Variants in HMCN2 observed in about 807,000 individuals in gnomAD.
The protein encoded by HMCN2 is hemicentin 2, also known as hemicentin-2.
A neutral mutation model predicts 377.5 loss-of-function variants in HMCN2; 325 were observed. The observed-to-expected ratio is 0.86, with a 90% CI of 0.79 to 0.94. The LOEUF (loss-of-function observed/expected upper bound fraction) is 0.94, where lower values mean the gene tolerates loss of function less well. HMCN2 is among the 40% of genes least tolerant of loss of function. The pLI is 0.00. For synonymous variants in HMCN2, 2,007 were observed against 2,046.8 expected (o/e 0.98, Z 0.53); for missense variants, 4,543 against 4,725.3 (o/e 0.96, Z 1.13).
intron 76 of HMCN2, among the ~76,000 whole-genome samples, chr9:130,400,074 T>G (rs1842789992): frequency 6.6e-6 from 1 of 152,156 alleles, no homozygotes. Context: ...CTCAAGGGGT[T>G]TGCACACGCT....
rs1416767420 is a variant in HMCN2 at position 130,406,147 on chromosome 9, G to A, written c.12532G>A (p.Val4178Ile). 2 of 1,289,840 alleles carry A rather than the reference G, an allele frequency of 1.6e-6. No individual in the cohort carries two copies. The highest frequency in any genetic ancestry group is 2.3e-5 in the Admixed American group (1 of 43,574). 79.9% of individuals were successfully genotyped at this position (1,289,840 alleles called of 1,614,324 possible). The stretch of plus-strand genomic sequence containing the variant: ...CCCCACCCCTCGCATTGGCTGGACT[G>A]TCAACGACCGGCCAGTCACAGGTCT... ...GSPTPRIGWTVNDRPVTEGVS... is the reference protein window; with the variant it reads ...GSPTPRIGWTINDRPVTEGVS... Residue 4178 changes from valine (V) to isoleucine (I), a missense_variant, in exon 82 of 98, where the codon GTC becomes ATC. This residue lies in a region of HMCN2 where 1,073 missense variants were observed against 1,319.5 expected (regional missense o/e 0.81). Coordinates refer to ENST00000683500, the MANE Select transcript of HMCN2 (RefSeq NM_001291815.2).
At position 130,347,979 on chromosome 9, in the gene HMCN2, C is replaced by T; in HGVS notation, c.4025-566C>T. 1.0e-6 allele frequency: 1 copy of T among 985,322 alleles called. No homozygotes were observed. Among genetic ancestry groups the T allele is most frequent in the Non-Finnish European group, 1.2e-6 (1 of 829,826 alleles). The allele number at this position is 985,322 out of a possible 1,614,324, so 61.0% of individuals were successfully genotyped here. On this transcript the variant is annotated intron_variant, in intron 26 of 97. Transcript: ENST00000683500. This position sits in a 1 kb window ranked among gnomAD's most constrained non-coding sequence, Gnocchi z 5.1. ...ATTCTTGTCCTCAGCAGGGAGAGCG[C>T]CCACCCCCACATCCAGGGTGCTATG...
intron 4 of HMCN2, among the ~76,000 whole-genome samples, chr9:130,289,013 A>G (rs1488760989): frequency 2.6e-5 from 4 of 152,206 alleles, no homozygotes; most frequent in Non-Finnish European, 5.9e-5. Flanking sequence ...GCCTCCCCCA[A>G]GTTCCCTGGC....
intron 1 of HMCN2, among the ~76,000 whole-genome samples, chr9:130,271,801 G>A (rs1320130736): frequency 6.7e-6 from 1 of 148,890 alleles, no homozygotes; most frequent in African/African-American, 2.4e-5. Context: ...TAGCTGACAG[G>A]GCAAGGAGTT....
At chr9:130,301,859 C>A (rs1836533816) in intron 8 of HMCN2, among the ~76,000 whole-genome samples, 1 of 152,218 alleles carries the variant, frequency 6.6e-6, no homozygotes, top group Admixed American at 6.5e-5. Context: ...CCCAGCGGGG[C>A]AGTTTCTCAG....
intron 62 of HMCN2, among the ~76,000 whole-genome samples, chr9:130,390,070 A>G (rs1842225575): frequency 6.6e-6 from 1 of 152,044 alleles, no homozygotes; most frequent in African/African-American, 2.4e-5. Context: ...GACCTGTGTC[A>G]TCGCCTCTCG....
At chr9:130,285,076 C>A in intron 2 of HMCN2, 82 bp from the exon 3 acceptor site, 1 of 440,404 alleles carries the variant, frequency 2.3e-6, no homozygotes, top group South Asian at 1.7e-5. Flanking sequence ...ACTCCCTATG[C>A]CCAGTGGTTT....
intron 82 of HMCN2, chr9:130,406,432 T>A (rs1843095886): frequency 8.8e-6 from 3 of 342,792 alleles, no homozygotes; most frequent in South Asian, 6.7e-5. Context: ...AGGGGAGGCC[T>A]GTGTTCTAGT....
intron 4 of HMCN2, among the ~76,000 whole-genome samples, chr9:130,292,585 G>A (rs1218861633): frequency 1.3e-5 from 2 of 152,184 alleles, no homozygotes; most frequent in African/African-American, 4.8e-5. Flanking sequence ...AGGCTTTACT[G>A]TTTTGAATTT....
Position 130,392,022 on chromosome 9 carries a change from G to T in HMCN2, c.10040G>T (p.Arg3347Leu). The change falls in exon 66 of 98, where the codon CGG becomes CTG. Residue 3347 changes from arginine to leucine, a missense_variant. Arg to Leu is a moderately radical substitution (Grantham distance 102, BLOSUM62 -2). Transcript: ENST00000683500. ...CTGGTGACCATGGTGTGCCCTGTGC[G>T]GGGCTCCCCGCCCATCCACGTGAGC... ...GELVTMVCPV[R>L]GSPPIHVSWL... 1.0e-6 allele frequency: 1 copy of T among 988,356 alleles called. No homozygotes were observed. The highest frequency in any genetic ancestry group is 1.2e-6 in the Non-Finnish European group (1 of 830,368). 61.2% of individuals were successfully genotyped at this position (988,356 alleles called of 1,614,324 possible).
At chr9:130,287,551 T>TAA (rs142931668) in intron 4 of HMCN2, among the ~76,000 whole-genome samples, 7 of 93,290 alleles carry the variant, frequency 7.5e-5, no homozygotes, top group East Asian at 3.6e-4. Context: ...AACTCTGTCT[T>TAA]AAAAAAAAAA....
chr9:130,307,575 G>C lies in HMCN2; in HGVS notation c.2200+9G>C. ...AGTCATCTGGTATCGAGGTGTGTTG[G>C]TGGGGAGGGGCCCTGAAGGAACAGC... On this transcript the variant is annotated intron_variant, in intron 14 of 97. Coordinates refer to ENST00000683500, the MANE Select transcript of HMCN2 (RefSeq NM_001291815.2). 3 of 471,148 alleles carry C rather than the reference G, an allele frequency of 6.4e-6. No individual in the cohort carries two copies. The highest frequency in any genetic ancestry group is 3.1e-5 in the South Asian group (2 of 64,572). 29.2% of individuals were successfully genotyped at this position (471,148 alleles called of 1,614,324 possible).
intron 1 of HMCN2, among the ~76,000 whole-genome samples, chr9:130,276,828 G>T (rs528559747): frequency 6.6e-6 from 1 of 152,280 alleles, no homozygotes; most frequent in African/African-American, 2.4e-5. Context: ...TGAGTCTTGG[G>T]GAGGGGAGGT....
chr9:130,340,770 G>A lies in HMCN2; in HGVS notation c.3488-341G>A, dbSNP rs995456297. Among the ~76,000 whole-genome samples the A allele has an allele frequency of 6.8e-4, 104 of 152,240 alleles. 1 individual carries two copies. Among genetic ancestry groups the A allele is most frequent in the South Asian group, 3.9e-3 (19 of 4,816 alleles). ...TGACATCAGGCAATCTGCCCACCTC[G>A]GCCTCCCACAGTTCTGAGATTACAG... On this transcript the variant is annotated intron_variant, in intron 23 of 97. Transcript: ENST00000683500.
intron 95 of HMCN2, 93 bp from the exon 96 acceptor site, chr9:130,431,274 C>T: frequency 7.8e-7 from 1 of 1,289,662 alleles, no homozygotes; most frequent in Non-Finnish European, 1.1e-6. Context: ...CTCCAGAGCC[C>T]AGCGGGCAGG....
chr9:130,312,609 T>A (rs1295735618), intron 15 of HMCN2, among the ~76,000 whole-genome samples: 1 of 124,966 alleles, frequency 8.0e-6, no homozygotes, highest in Non-Finnish European at 1.7e-5. Context: ...TCTTTCTTTC[T>A]TTCTTTCTCT....
At position 130,348,554 on chromosome 9, in the gene HMCN2, G is replaced by C; in HGVS notation, c.4034G>C (p.Ser1345Thr). ...TCTCCTTGCCCCCAAGTGCCCCCCA[G>C]CATCCGGGAGGACGGGCGCAAGGCC... ...RAKLVVYVPP[S>T]IREDGRKANV... is the part of the protein sequence containing the mutation. The change falls in exon 27 of 98, where the codon AGC becomes ACC. Residue 1345 changes from serine (S) to threonine (T), a missense_variant. Ser to Thr is a moderately conservative substitution (Grantham distance 58). Around this residue, in one of 5 missense-constraint regions of HMCN2, gnomAD observed 547 missense variants for 189.9 expected, o/e 2.88. Transcript: ENST00000683500. The C allele has an allele frequency of 7.7e-7, 1 of 1,304,008 alleles. No individual in the cohort carries two copies. The highest frequency in any genetic ancestry group is 1.0e-6 in the Non-Finnish European group (1 of 988,856). 80.8% of individuals were successfully genotyped at this position (1,304,008 alleles called of 1,614,324 possible).
In HMCN2 at chr9:130,418,811, T is replaced by C; in HGVS notation, c.13001T>C (p.Val4334Ala). The C allele has an allele frequency of 6.7e-7, 1 of 1,496,746 alleles. No homozygotes were observed. The highest frequency in any genetic ancestry group is 2.5e-5 in the East Asian group (1 of 39,804). 92.7% of individuals were successfully genotyped at this position (1,496,746 alleles called of 1,614,324 possible). The change falls in exon 86 of 98, where the codon GTG becomes GCG. Residue 4334 changes from valine to alanine, a missense_variant. Physicochemically the swap from Val to Ala is moderately conservative, Grantham distance 64 (BLOSUM62 0). Coordinates refer to ENST00000683500, the MANE Select transcript of HMCN2 (RefSeq NM_001291815.2). Reference sequence around the variant, plus strand: ...CAGGTGGAGCCCCAGGACATGACAGTGAGATCTGGGGATGACGTGGCCCTG... The same window carrying C: ...CAGGTGGAGCCCCAGGACATGACAGCGAGATCTGGGGATGACGTGGCCCTG... Reference protein sequence around the residue: ...VFQVEPQDMTVRSGDDVALRC... With the variant: ...VFQVEPQDMTARSGDDVALRC...
Position 130,371,100 on chromosome 9 carries a change from C to T in HMCN2, c.7206C>T (p.Val2402=). ...GCTGGTTCCGAGGGGAGGAGCCTGT[C>T]AGCCCCGGGGAGGACACCTACCTGC... The part of the protein sequence containing the change: ...AIRWFRGEEP[V]SPGEDTYLLA... The change falls in exon 46 of 98, where the codon GTC becomes GTT. Residue 2402 remains valine, a synonymous_variant. Coordinates refer to ENST00000683500, the MANE Select transcript of HMCN2 (RefSeq NM_001291815.2). The T allele has an allele frequency of 1.0e-6, 1 of 985,998 alleles. No homozygotes were observed. The highest frequency in any genetic ancestry group is 1.2e-6 in the Non-Finnish European group (1 of 830,040). The allele number at this position is 985,998 out of a possible 1,614,324, so 61.1% of individuals were successfully genotyped here. A position where few individuals can be genotyped will look rare whatever the true frequency, so the allele number is the denominator to read the frequency against.
Sources: gnomAD v4.1 joint callset for allele counts (sites outside exome capture counted in the v4.1 genomes callset) on GRCh38, gnomAD v4.1.1 for gene constraint, gnomAD v4.1.1 regional missense constraint, Gnocchi (gnomAD v3.1) non-coding constraint, MANE v1.5 for transcripts, NCBI Gene and HGNC (gene_info 2026-07-23, HGNC 2026-07-21) for gene names.